The following CNTN4 variants were observed in gnomAD, a reference collection of about 807,000 sequenced individuals.
CNTN4 encodes contactin-4.
A neutral mutation model predicts 122.5 loss-of-function variants in CNTN4; 77 were observed. That is an observed-to-expected ratio of 0.63 (90% CI 0.52 to 0.76). The LOEUF (loss-of-function observed/expected upper bound fraction) is 0.76. CNTN4 is among the 30% of genes least tolerant of loss of function. The pLI, the probability that CNTN4 is intolerant of heterozygous loss-of-function variation, is 0.00. For missense variants in CNTN4, 1,256 were observed against 1,259.1 expected (o/e 1.00, Z 0.04); for synonymous variants, 512 against 447.0 (o/e 1.15, Z -1.83).
At chr3:2,225,378 G>A (rs887873094) in intron 2 of CNTN4, among the ~76,000 whole-genome samples, 3 of 151,902 alleles carry the variant, frequency 2.0e-5, no homozygotes, top group Non-Finnish European at 4.4e-5. Context: ...GCCGGGTGTG[G>A]TGGTGGGCGC....
intron 3 of CNTN4, among the ~76,000 whole-genome samples, chr3:2,455,710 C>G (rs2048974079): frequency 1.3e-5 from 2 of 152,064 alleles, no homozygotes; most frequent in African/African-American, 4.8e-5. Flanking sequence ...GTCTGAGTTT[C>G]TTGCCTCTTC....
chr3:2,727,524 G>C (rs144001679), intron 4 of CNTN4, among the ~76,000 whole-genome samples: 189 of 152,314 alleles, frequency 1.2e-3, no homozygotes, highest in African/African-American at 4.3e-3. Context: ...CAAGGTTTAA[G>C]ATCAGGGTCA....
At chr3:2,146,449 TA>T (rs1175456389) in intron 2 of CNTN4, among the ~76,000 whole-genome samples, 1 of 152,124 alleles carries the variant, frequency 6.6e-6, no homozygotes, top group Non-Finnish European at 1.5e-5. Context: ...TTATCTAAAA[TA>T]AGAAATACAT....
At chr3:2,177,707 T>A (rs2036819878) in intron 2 of CNTN4, among the ~76,000 whole-genome samples, 1 of 150,420 alleles carries the variant, frequency 6.6e-6, no homozygotes, top group Non-Finnish European at 1.5e-5. Context: ...TCCAGGAAAC[T>A]TCAGTTTTTA....
chr3:2,354,083 C>G (rs1471324938), intron 3 of CNTN4, among the ~76,000 whole-genome samples: 1 of 152,226 alleles, frequency 6.6e-6, no homozygotes, highest in East Asian at 1.9e-4. Flanking sequence ...ATCTCTTCAT[C>G]TTGTTGATTA....
At chr3:2,540,941 A>G (rs921307155) in intron 3 of CNTN4, among the ~76,000 whole-genome samples, 2 of 152,158 alleles carry the variant, frequency 1.3e-5, no homozygotes, top group Non-Finnish European at 2.9e-5. Context: ...ATTGGCGAGT[A>G]CAGAAATATT....
chr3:2,634,687 A>ATAT lies in CNTN4; in HGVS notation c.55+63129_55+63130insTAT, dbSNP rs1553599101. Among the ~76,000 whole-genome samples, 411 of 133,148 alleles carry ATAT rather than the reference A, an allele frequency of 3.1e-3. 3 individuals carry two copies. Among genetic ancestry groups the ATAT allele is most frequent in the Non-Finnish European group, 4.2e-3 (265 of 62,772 alleles). 87.4% of individuals were successfully genotyped at this position (133,148 alleles called of 152,430 possible). On this transcript the variant is annotated intron_variant, in intron 4 of 24. Coordinates refer to ENST00000418658, the MANE Select transcript of CNTN4 (RefSeq NM_175607.3). ...CTACTAAAAATACAGAAAAAAAAAA[A>ATAT]ATATATATATATATATATGTTAGCT...
chr3:2,147,994 T>TA (rs2035324538), intron 2 of CNTN4, among the ~76,000 whole-genome samples: 1 of 152,188 alleles, frequency 6.6e-6, no homozygotes, highest in African/African-American at 2.4e-5. Context: ...ACTCCCACAC[T>TA]ACTTCTATTG....
intron 12 of CNTN4, among the ~76,000 whole-genome samples, chr3:2,916,247 G>C (rs926447668): frequency 1.1e-4 from 16 of 150,592 alleles, no homozygotes; most frequent in African/African-American, 1.5e-4. Context: ...GTGTTTCTCC[G>C]AGAGGGGGAT....
At chr3:2,942,657 A>G (rs1185231894) in intron 13 of CNTN4, among the ~76,000 whole-genome samples, 1 of 152,218 alleles carries the variant, frequency 6.6e-6, no homozygotes, top group Non-Finnish European at 1.5e-5. Flanking sequence ...ATACTACATC[A>G]ATATTTCCCA....
At chr3:2,831,975 T>A (rs1303320475) in intron 7 of CNTN4, among the ~76,000 whole-genome samples, 1 of 152,236 alleles carries the variant, frequency 6.6e-6, no homozygotes, top group Non-Finnish European at 1.5e-5. Flanking sequence ...TTAAGGATTA[T>A]GTTTCTTCCT....
intron 6 of CNTN4, among the ~76,000 whole-genome samples, chr3:2,765,861 A>T (rs569898233): frequency 6.6e-6 from 1 of 152,316 alleles, no homozygotes; most frequent in East Asian, 1.9e-4. Flanking sequence ...CTGTTTCTTC[A>T]ATGATGACAC....
chr3:2,551,115 C>T (rs1017636883), intron 3 of CNTN4, among the ~76,000 whole-genome samples: 11 of 151,796 alleles, frequency 7.2e-5, no homozygotes, highest in African/African-American at 2.4e-4. Flanking sequence ...AAAAAAATGC[C>T]AGGCGTAAAG....
intron 4 of CNTN4, among the ~76,000 whole-genome samples, chr3:2,587,445 T>C (rs1292006988): frequency 6.6e-6 from 1 of 152,196 alleles, no homozygotes; most frequent in East Asian, 1.9e-4. Flanking sequence ...AAAATAAAAA[T>C]TTTCAAGTGG....
intron 4 of CNTN4, among the ~76,000 whole-genome samples, chr3:2,612,407 G>T (rs566886914): frequency 3.3e-5 from 5 of 152,020 alleles, no homozygotes; most frequent in Non-Finnish European, 5.9e-5. Flanking sequence ...AAACAAAATG[G>T]TTGTATGGGT....
At chr3:2,304,740 C>G (rs766447118) in intron 2 of CNTN4, among the ~76,000 whole-genome samples, 6 of 151,098 alleles carry the variant, frequency 4.0e-5, no homozygotes, top group Non-Finnish European at 8.9e-5. Flanking sequence ...GGAGCTTTCT[C>G]TAAGCCACAT....
Position 2,979,308 on chromosome 3 carries a change from T to C in CNTN4, c.1359-9037T>C, listed in dbSNP as rs189824070. 2.5e-3 allele frequency among the ~76,000 whole-genome samples: 378 copies of C among 151,888 alleles called. 2 individuals carry two copies. Among genetic ancestry groups the C allele is most frequent in the Admixed American group, 3.8e-3 (58 of 15,238 alleles). On this transcript the variant is annotated intron_variant, in intron 13 of 24. Transcript: ENST00000418658. ...TAGGGAGTGTCTGGTGAAGGGGAGG[T>C]AAAAGGCTATATTTGCATTTCTAAA...
chr3:2,824,541 C>T (rs1005691478), intron 7 of CNTN4, among the ~76,000 whole-genome samples: 8 of 152,312 alleles, frequency 5.3e-5, no homozygotes, highest in South Asian at 4.1e-4. Flanking sequence ...TCCATTCACA[C>T]GGATCATCTA....
chr3:2,186,778 G>T (rs2037289863), intron 2 of CNTN4, among the ~76,000 whole-genome samples: 1 of 152,044 alleles, frequency 6.6e-6, no homozygotes, highest in South Asian at 2.1e-4. Flanking sequence ...TGATGGGGTT[G>T]TTTTTTTCTT....
Sources: allele counts gnomAD v4.1 joint callset (sites outside exome capture counted in the v4.1 genomes callset), GRCh38; gene constraint gnomAD v4.1.1; transcripts MANE v1.5; gene names NCBI Gene and HGNC (gene_info 2026-07-23, HGNC 2026-07-21).